PPP2R2A: variants seen among roughly 807,000 people sequenced by gnomAD.
The protein encoded by PPP2R2A is protein phosphatase 2 regulatory subunit Balpha.
In PPP2R2A, 9 loss-of-function variants were observed where a neutral mutation model predicts 53.2. That is an observed-to-expected ratio of 0.17 (90% CI 0.10 to 0.30). The LOEUF is 0.30. PPP2R2A is among the 10% of genes least tolerant of loss of function. PPP2R2A has a pLI of 1.00. For missense variants in PPP2R2A, 235 were observed against 534.6 expected (o/e 0.44, Z 5.53); for synonymous variants, 169 against 174.2 (o/e 0.97, Z 0.23).
At chr8:26,325,835 A>T (rs768578788) in intron 2 of PPP2R2A, among the ~76,000 whole-genome samples, 3 of 151,960 alleles carry the variant, frequency 2.0e-5, no homozygotes, top group Non-Finnish European at 4.4e-5. Context: ...ATTTTTATTT[A>T]TTTTTTATTA....
At chr8:26,296,443 C>T (rs1304173255) in intron 2 of PPP2R2A, among the ~76,000 whole-genome samples, 1 of 152,228 alleles carries the variant, frequency 6.6e-6, no homozygotes. Flanking sequence ...CCTTGGAATG[C>T]CTGACAATCA....
At position 26,372,242 on chromosome 8, in the gene PPP2R2A, T is replaced by C. The variant is rs538913890; in HGVS notation, c.*1829T>C. On this transcript the variant is annotated 3_prime_UTR_variant, in exon 10 of 10. Transcript: ENST00000380737. The stretch of plus-strand genomic sequence containing the variant: ...GCACTTTTACTAATTTATTTGGGGA[T>C]CTTGGGTACATTCTTAATTTGTGTT... The C allele has an allele frequency of 6.6e-6, 1 of 152,220 alleles. No homozygotes were observed. The highest frequency in any genetic ancestry group is 1.9e-4 in the East Asian group (1 of 5,200). The allele number at this position is 152,220 out of a possible 1,614,324, so 9.4% of individuals were successfully genotyped here. A position where few individuals can be genotyped will look rare whatever the true frequency, so the allele number is the denominator to read the frequency against.
At chr8:26,339,054 G>C in intron 3 of PPP2R2A, 67 bp downstream of exon 3, 2 of 1,175,888 alleles carry the variant, frequency 1.7e-6, no homozygotes, top group South Asian at 1.3e-5. Context: ...TGTTGCACTG[G>C]AGAATCTCAT....
intron 4 of PPP2R2A, among the ~76,000 whole-genome samples, chr8:26,359,909 T>G (rs1174134160): frequency 1.3e-5 from 2 of 152,212 alleles, no homozygotes; most frequent in African/African-American, 2.4e-5. Flanking sequence ...TAATTACTTT[T>G]AAGGGACAGG....
intron 2 of PPP2R2A, among the ~76,000 whole-genome samples, chr8:26,298,129 T>C (rs1316467595): frequency 6.6e-6 from 1 of 152,250 alleles, no homozygotes; most frequent in African/African-American, 2.4e-5. Flanking sequence ...GTGGGCTATC[T>C]TGACTGGGAT....
intron 4 of PPP2R2A, among the ~76,000 whole-genome samples, chr8:26,355,941 TCTTTGTTCTTATGAAAAA>T (rs1309048086): frequency 6.6e-6 from 1 of 152,112 alleles, no homozygotes; most frequent in East Asian, 1.9e-4. Context: ...GGGTGCTTTC[TCTTTGTTCTTATGAAAAA>T]CTTTTTCCTG....
At chr8:26,335,462 A>G (rs949973048) in intron 2 of PPP2R2A, among the ~76,000 whole-genome samples, 2 of 152,226 alleles carry the variant, frequency 1.3e-5, no homozygotes, top group African/African-American at 2.4e-5. Flanking sequence ...CAGAAATATG[A>G]TTACATTAAA....
At chr8:26,293,013 A>G (rs142300754) in intron 1 of PPP2R2A, 115 of 435,794 alleles carry the variant, frequency 2.6e-4, no homozygotes, top group Non-Finnish European at 8.1e-6. Context: ...ACGAGATGAC[A>G]TTAGCAAAAT....
chr8:26,370,494 A>G lies in PPP2R2A; in HGVS notation c.*81A>G. 1 of 1,495,250 alleles carries G rather than the reference A, an allele frequency of 6.7e-7. No homozygotes were observed. Among genetic ancestry groups the G allele is most frequent in the East Asian group, 2.3e-5 (1 of 44,164 alleles). 92.6% of individuals were successfully genotyped at this position (1,495,250 alleles called of 1,614,324 possible). A position where few individuals can be genotyped will look rare whatever the true frequency, so the allele number is the denominator to read the frequency against. On this transcript the variant is annotated 3_prime_UTR_variant, in exon 10 of 10. Coordinates refer to ENST00000380737, the MANE Select transcript of PPP2R2A (RefSeq NM_002717.4). The surrounding 1 kb of genome is among the most constrained non-coding windows in gnomAD (Gnocchi z 6.1). ...TAGCATTCGTTCCTATAAAAGAGAGAGGTCCATTGTGGCGCCCCTTTCCAG... is the reference window on the plus strand; with the variant it reads ...TAGCATTCGTTCCTATAAAAGAGAGGGGTCCATTGTGGCGCCCCTTTCCAG...
intron 1 of PPP2R2A, 87 bp downstream of exon 1, chr8:26,291,913 G>T: frequency 6.4e-7 from 1 of 1,554,610 alleles, no homozygotes; most frequent in Non-Finnish European, 8.7e-7. Flanking sequence ...CCCGCGCCTC[G>T]CGCAGAGCCA....
intron 2 of PPP2R2A, chr8:26,333,550 C>T: frequency 1.7e-6 from 2 of 1,187,564 alleles, no homozygotes; most frequent in Non-Finnish European, 2.2e-6. Flanking sequence ...CCATAAAGTG[C>T]CTCACAACAC....
At chr8:26,296,674 T>C (rs1403150270) in intron 2 of PPP2R2A, among the ~76,000 whole-genome samples, 1 of 152,232 alleles carries the variant, frequency 6.6e-6, no homozygotes, top group Non-Finnish European at 1.5e-5. Flanking sequence ...GAAGCTGCTC[T>C]GTCTAGAACA....
intron 2 of PPP2R2A, 58 bp downstream of exon 2, chr8:26,293,798 C>CT (rs753175762): frequency 6.7e-7 from 1 of 1,492,712 alleles, no homozygotes; most frequent in Admixed American, 1.7e-5. Flanking sequence ...ATGTTTCCTA[C>CT]TGGAGGATTT....
chr8:26,297,972 C>T (rs1305670138), intron 2 of PPP2R2A, among the ~76,000 whole-genome samples: 2 of 152,000 alleles, frequency 1.3e-5, no homozygotes, highest in Non-Finnish European at 1.5e-5. Context: ...GGTTTAGAGG[C>T]ACATATGCAG....
chr8:26,367,997 T>G (rs186855374), intron 9 of PPP2R2A, among the ~76,000 whole-genome samples: 53 of 152,328 alleles, frequency 3.5e-4, no homozygotes, highest in Non-Finnish European at 3.8e-4. Flanking sequence ...ATAGAATGTT[T>G]CCTCATGATT....
intron 2 of PPP2R2A, among the ~76,000 whole-genome samples, chr8:26,318,172 A>G (rs1447212457): frequency 6.6e-6 from 1 of 152,188 alleles, no homozygotes; most frequent in Non-Finnish European, 1.5e-5. Context: ...TGCTACAGCT[A>G]CTAATTCTTA....
chr8:26,332,427 C>T (rs543542934), intron 2 of PPP2R2A, among the ~76,000 whole-genome samples: 358 of 149,762 alleles, frequency 2.4e-3, no homozygotes, highest in South Asian at 0.019. Context: ...AAAAAAAATA[C>T]TTAAGCAATT....
chr8:26,313,342 A>G (rs1488591840), intron 2 of PPP2R2A, among the ~76,000 whole-genome samples: 1 of 151,958 alleles, frequency 6.6e-6, no homozygotes, highest in Non-Finnish European at 1.5e-5. Context: ...GCCTATTTTC[A>G]TATTTCTAAA....
chr8:26,312,414 T>C (rs1434595775), intron 2 of PPP2R2A, among the ~76,000 whole-genome samples: 1 of 152,212 alleles, frequency 6.6e-6, no homozygotes, highest in Non-Finnish European at 1.5e-5. Context: ...GTGTTGCTGC[T>C]GGTGGTCCCC....
Sources: gnomAD v4.1 joint callset for allele counts (sites outside exome capture counted in the v4.1 genomes callset) on GRCh38, gnomAD v4.1.1 for gene constraint, Gnocchi (gnomAD v3.1) non-coding constraint, MANE v1.5 for transcripts, NCBI Gene and HGNC (gene_info 2026-07-23, HGNC 2026-07-21) for gene names.